Variants in EPHA3 observed in about 807,000 individuals in gnomAD.
EPHA3 encodes the protein EPH receptor A3, also known as ephrin type-A receptor 3.
A neutral mutation model predicts 107.1 loss-of-function variants in EPHA3; 42 were observed. The ratio of observed to expected loss-of-function variants is 0.39; its 90% confidence interval spans 0.31 to 0.51. The LOEUF is 0.51. Among genes scored for constraint, EPHA3 ranks in the 20% least tolerant of loss-of-function variants. The probability of loss-of-function intolerance (pLI) is 0.78; values close to 1 mark genes in which losing one functional copy is unlikely to be tolerated. For missense variants in EPHA3, 1,183 were observed against 1,211.2 expected (o/e 0.98, Z 0.35); for synonymous variants, 461 against 424.8 (o/e 1.09, Z -1.05).
chr3:89,266,791 A>G (rs1705548433), intron 3 of EPHA3, among the ~76,000 whole-genome samples: 1 of 152,128 alleles, frequency 6.6e-6, no homozygotes, highest in East Asian at 1.9e-4. Context: ...AAACAATTCA[A>G]TAACAAATGA....
intron 3 of EPHA3, among the ~76,000 whole-genome samples, chr3:89,224,256 A>G (rs1704448492): frequency 6.6e-6 from 1 of 152,216 alleles, no homozygotes; most frequent in Non-Finnish European, 1.5e-5. Flanking sequence ...TTCATAAAAT[A>G]GAGACATAAT....
At chr3:89,208,477 A>AGAAG (rs1553664830) in intron 2 of EPHA3, among the ~76,000 whole-genome samples, 2,346 of 133,204 alleles carry the variant, frequency 0.018, 90 homozygotes, top group Admixed American at 0.022. Context: ...AAAGAAAGAA[A>AGAAG]GAAAGAGAAA....
chr3:89,310,144 G>A (rs1286254303), intron 3 of EPHA3, among the ~76,000 whole-genome samples: 1 of 152,010 alleles, frequency 6.6e-6, no homozygotes, highest in Non-Finnish European at 1.5e-5. Context: ...TAATGAGCTG[G>A]TACCTGTATA....
chr3:89,364,574 G>A (rs1708153244), intron 5 of EPHA3, among the ~76,000 whole-genome samples: 1 of 151,154 alleles, frequency 6.6e-6, no homozygotes, highest in African/African-American at 2.4e-5. Flanking sequence ...CATGCAAATT[G>A]AACTTGCAGA....
At chr3:89,282,390 T>G (rs1705970556) in intron 3 of EPHA3, among the ~76,000 whole-genome samples, 1 of 152,146 alleles carries the variant, frequency 6.6e-6, no homozygotes, top group Middle Eastern at 3.2e-3. Flanking sequence ...TTATCATACT[T>G]GTTGATTAAT....
chr3:89,366,349 T>C (rs1708183915), intron 5 of EPHA3, among the ~76,000 whole-genome samples: 1 of 150,394 alleles, frequency 6.6e-6, no homozygotes, highest in Non-Finnish European at 1.5e-5. Flanking sequence ...ATGAGAATAA[T>C]TTAAACACAT....
intron 13 of EPHA3, among the ~76,000 whole-genome samples, chr3:89,432,437 C>T (rs1709587306): frequency 1.3e-5 from 2 of 152,086 alleles, no homozygotes; most frequent in South Asian, 2.1e-4. Flanking sequence ...GGCTGGAGTG[C>T]AGTGGCACAA....
chr3:89,431,308 C>T lies in EPHA3; in HGVS notation c.2295C>T (p.Phe765=), dbSNP rs773426684. The change falls in exon 13 of 17, where the codon TTC becomes TTT. Residue 765 remains phenylalanine (F), a synonymous_variant. Coordinates refer to ENST00000336596, the MANE Select transcript of EPHA3 (RefSeq NM_005233.6). ...ACTTGGTGTGTAAGGTTTCTGATTT[C>T]GGACTTTCGCGTGTCCTGGAGGATG... ...NSNLVCKVSD[F]GLSRVLEDDP... The T allele has an allele frequency of 7.4e-6, 12 of 1,613,430 alleles. No individual in the cohort carries two copies. The South Asian group carries it at 7.7e-5, about 10-fold the overall frequency.
At chr3:89,233,113 A>G (rs572877564) in intron 3 of EPHA3, among the ~76,000 whole-genome samples, 31 of 152,310 alleles carry the variant, frequency 2.0e-4, no homozygotes, top group African/African-American at 7.2e-4. Flanking sequence ...ATCTCAGATA[A>G]CAAAAAGGTT....
intron 5 of EPHA3, among the ~76,000 whole-genome samples, chr3:89,356,635 AG>A (rs1253203062): frequency 6.6e-6 from 1 of 151,276 alleles, no homozygotes; most frequent in African/African-American, 2.4e-5. Flanking sequence ...TCAATGTAAT[AG>A]GTCATTCTCG....
chr3:89,446,139 G>T (rs1709872409), intron 13 of EPHA3, among the ~76,000 whole-genome samples: 2 of 151,976 alleles, frequency 1.3e-5, no homozygotes, highest in South Asian at 2.1e-4. Context: ...ATTTACACAG[G>T]TTACACAAAT....
chr3:89,189,753 A>G (rs1228175080), intron 2 of EPHA3, among the ~76,000 whole-genome samples: 1 of 152,188 alleles, frequency 6.6e-6, no homozygotes, highest in African/African-American at 2.4e-5. Context: ...TTCATTTGCA[A>G]TATTTTTTCA....
intron 1 of EPHA3, among the ~76,000 whole-genome samples, chr3:89,119,804 A>T (rs12714730): frequency 0.57 from 85,977 of 151,958 alleles, 24,671 homozygotes; most frequent in Admixed American, 0.65. Context: ...TGTCCAGAGG[A>T]TGTTTTTAAA....
At chr3:89,158,603 T>A (rs1704856267) in intron 2 of EPHA3, among the ~76,000 whole-genome samples, 2 of 152,164 alleles carry the variant, frequency 1.3e-5, no homozygotes, top group African/African-American at 4.8e-5. Flanking sequence ...AGATTCATAA[T>A]AAATGAACAC....
At chr3:89,331,568 C>T (rs1248493495) in intron 3 of EPHA3, among the ~76,000 whole-genome samples, 2 of 151,326 alleles carry the variant, frequency 1.3e-5, no homozygotes, top group Non-Finnish European at 2.9e-5. Flanking sequence ...ATGAACATAC[C>T]TAGGACCTAA....
At chr3:89,288,628 A>G (rs1576291194) in intron 3 of EPHA3, among the ~76,000 whole-genome samples, 2 of 152,284 alleles carry the variant, frequency 1.3e-5, no homozygotes, top group African/African-American at 4.8e-5. Flanking sequence ...ATGTTCTCAG[A>G]TGAAAAATCC....
intron 5 of EPHA3, among the ~76,000 whole-genome samples, chr3:89,390,923 G>A (rs1708716051): frequency 6.6e-6 from 1 of 151,602 alleles, no homozygotes; most frequent in Non-Finnish European, 1.5e-5. Context: ...GAGTAGCTGG[G>A]ATTATGGGTG....
At chr3:89,400,359 T>C (rs57525173) in intron 7 of EPHA3, 4,068 of 154,854 alleles carry the variant, frequency 0.026, 165 homozygotes, top group African/African-American at 0.092. Flanking sequence ...GCCGCTACCA[T>C]GCCCGGCTAA....
intron 3 of EPHA3, among the ~76,000 whole-genome samples, chr3:89,267,976 T>C (rs2107292553): frequency 6.6e-6 from 1 of 152,142 alleles, no homozygotes; most frequent in East Asian, 1.9e-4. Flanking sequence ...GAAGCTCTCT[T>C]TGCTATTGCT....
Sources: allele counts gnomAD v4.1 joint callset (sites outside exome capture counted in the v4.1 genomes callset), GRCh38; gene constraint gnomAD v4.1.1; transcripts MANE v1.5; gene names NCBI Gene and HGNC (gene_info 2026-07-23, HGNC 2026-07-21).